The following CFAP77 variants were observed in gnomAD, a reference collection of about 807,000 sequenced individuals.
CFAP77 encodes cilia and flagella associated protein 77.
Under a neutral mutation model 31.1 loss-of-function variants are expected in CFAP77, and 25 were observed. The ratio of observed to expected loss-of-function variants is 0.80; its 90% confidence interval spans 0.59 to 1.12. The LOEUF is 1.12. Ranked by LOEUF, CFAP77 falls within the 50% of genes most tolerant of loss-of-function variation. The pLI is 0.00. For missense variants in CFAP77, 377 were observed against 397.3 expected, an observed-to-expected ratio of 0.95 and a Z score of 0.44; for synonymous variants, 151 against 159.9, an observed-to-expected ratio of 0.94 and a Z score of 0.42.
At chr9:132,560,176 C>A (rs529917411) in intron 5 of CFAP77, among the ~76,000 whole-genome samples, 38 of 152,274 alleles carry the variant, frequency 2.5e-4, no homozygotes, top group African/African-American at 9.1e-4. Context: ...CTCAATAAAG[C>A]TGTTTTTAAA....
In CFAP77 at chr9:132,529,520, C is replaced by CAAAAAAACA. The variant is rs1852398371; in HGVS notation, c.525-8074_525-8073insCAAAAAAAA. Reference sequence around the variant, plus strand: ...CTTAGAGTATAATAAAAAAAAAAAACAAAAAAAAAACTAAACACATACTTG... The same window carrying CAAAAAAACA: ...CTTAGAGTATAATAAAAAAAAAAAACAAAAAAACAAAAAAAAAAACTAAACACATACTTG... On this transcript the variant is annotated intron_variant, in intron 3 of 5. Coordinates refer to ENST00000393216, the MANE Select transcript of CFAP77 (RefSeq NM_001282957.2). 4.9e-5 allele frequency among the ~76,000 whole-genome samples: 6 copies of CAAAAAAACA among 123,416 alleles called. 1 individual carries two copies. The highest frequency in any genetic ancestry group is 1.1e-4 in the Non-Finnish European group (6 of 55,852). The allele number at this position is 123,416 out of a possible 152,430, so 81.0% of individuals were successfully genotyped here. A position where few individuals can be genotyped will look rare whatever the true frequency, so the allele number is the denominator to read the frequency against.
At chr9:132,502,501 C>T (rs1185387869) in intron 3 of CFAP77, among the ~76,000 whole-genome samples, 1 of 152,100 alleles carries the variant, frequency 6.6e-6, no homozygotes, top group East Asian at 1.9e-4. Flanking sequence ...CGCCCCAGCC[C>T]CTGGCACCCA....
chr9:132,560,612 G>C (rs1852979345), intron 5 of CFAP77, among the ~76,000 whole-genome samples: 1 of 152,194 alleles, frequency 6.6e-6, no homozygotes, highest in South Asian at 2.1e-4. Context: ...CTTTCCTTCT[G>C]CTCCGGTAAG....
In CFAP77 at chr9:132,447,859, T is replaced by G. The variant is rs1043307765; in HGVS notation, c.195+37393T>G. On this transcript the variant is annotated intron_variant, in intron 1 of 5. Transcript: ENST00000393216. ...ATTTCTTAATAAAACCACCCAACAT[T>G]CAAAGGATATCCACTGGAGGAAAGA... 2.6e-5 allele frequency among the ~76,000 whole-genome samples: 4 copies of G among 152,174 alleles called. No individual in the cohort carries two copies. The South Asian group carries it at 8.3e-4, about 32-fold the overall frequency.
chr9:132,492,125 A>C (rs975213557), intron 1 of CFAP77, among the ~76,000 whole-genome samples: 6 of 152,162 alleles, frequency 3.9e-5, no homozygotes, highest in African/African-American at 1.4e-4. Context: ...CCATCTCTAC[A>C]AATAATTTAA....
intron 5 of CFAP77, among the ~76,000 whole-genome samples, chr9:132,551,717 C>T (rs2119083258): frequency 6.6e-6 from 1 of 152,354 alleles, no homozygotes; most frequent in Admixed American, 6.5e-5. Flanking sequence ...AGCTTAAAGT[C>T]ACGTGCCCAA....
chr9:132,502,269 T>A (rs1008813028), intron 3 of CFAP77, among the ~76,000 whole-genome samples: 47 of 120,610 alleles, frequency 3.9e-4, no homozygotes, highest in South Asian at 7.9e-4. Flanking sequence ...ATATATATTT[T>A]TTTTTTTTGG....
intron 1 of CFAP77, among the ~76,000 whole-genome samples, chr9:132,457,120 G>C (rs1850931094): frequency 6.6e-6 from 1 of 152,112 alleles, no homozygotes; most frequent in Non-Finnish European, 1.5e-5. Context: ...GGAGCTGACT[G>C]AGCCCCCTAA....
intron 5 of CFAP77, among the ~76,000 whole-genome samples, chr9:132,561,870 A>G (rs1829816758): frequency 6.6e-6 from 1 of 152,052 alleles, no homozygotes; most frequent in South Asian, 2.1e-4. Context: ...AAGAAGGCAA[A>G]GGCAGCCCGC....
At chr9:132,471,298 G>A (rs1251387051) in intron 1 of CFAP77, among the ~76,000 whole-genome samples, 1 of 152,184 alleles carries the variant, frequency 6.6e-6, no homozygotes, top group Non-Finnish European at 1.5e-5. Flanking sequence ...AGAATAATCT[G>A]GAGAAGGTAG....
chr9:132,501,223 T>G lies in CFAP77; in HGVS notation c.524+1623T>G, dbSNP rs1409957880. Among the ~76,000 whole-genome samples, 1 of 152,158 alleles carries G rather than the reference T, an allele frequency of 6.6e-6. No individual in the cohort carries two copies. The highest frequency in any genetic ancestry group is 1.5e-5 in the Non-Finnish European group (1 of 68,020). On this transcript the variant is annotated intron_variant, in intron 3 of 5. Coordinates refer to ENST00000393216, the MANE Select transcript of CFAP77 (RefSeq NM_001282957.2). The surrounding 1 kb of genome is among the most constrained non-coding windows in gnomAD (Gnocchi z 4.6). The stretch of plus-strand genomic sequence containing the variant: ...CATCATCAGCATCAGGTCTCTCTGT[T>G]TCTTGGCTGTGCTTCCTGATTTTGG...
intron 1 of CFAP77, among the ~76,000 whole-genome samples, chr9:132,425,137 A>G (rs1313254625): frequency 6.6e-6 from 1 of 152,142 alleles, no homozygotes; most frequent in Non-Finnish European, 1.5e-5. Flanking sequence ...TGAAGATTAT[A>G]CCATTTAGGC....
intron 5 of CFAP77, among the ~76,000 whole-genome samples, chr9:132,555,125 T>C (rs1852881018): frequency 6.6e-6 from 1 of 152,218 alleles, no homozygotes; most frequent in Non-Finnish European, 1.5e-5. Context: ...CCTAGAACCA[T>C]GCCCACAATA....
intron 3 of CFAP77, among the ~76,000 whole-genome samples, chr9:132,525,870 A>T (rs1034321315): frequency 3.9e-5 from 6 of 152,190 alleles, no homozygotes; most frequent in African/African-American, 1.4e-4. Context: ...CCTAGAGTTC[A>T]TCTGAGATGT....
chr9:132,522,544 GA>G (rs1244762223), intron 3 of CFAP77, among the ~76,000 whole-genome samples: 3 of 152,252 alleles, frequency 2.0e-5, no homozygotes, highest in Admixed American at 6.5e-5. Context: ...TTGGGGGTGG[GA>G]AAAATGCCTA....
intron 5 of CFAP77, among the ~76,000 whole-genome samples, chr9:132,561,618 C>G: frequency 9.4e-6 from 1 of 106,368 alleles, no homozygotes; most frequent in East Asian, 2.4e-4. Flanking sequence ...CACACACACA[C>G]ACACACACAC....
In CFAP77 at chr9:132,497,957, C is replaced by T. The variant is rs1851772188; in HGVS notation, c.196-738C>T. ...GGACAGGCACGCCTCCATGCGATGC[C>T]CTGCCCAGCGCTTGGGGGCCGGGGA... On this transcript the variant is annotated intron_variant, in intron 1 of 5. Transcript: ENST00000393216. The surrounding 1 kb of genome is among the most constrained non-coding windows in gnomAD (Gnocchi z 4.9). Among the ~76,000 whole-genome samples the T allele has an allele frequency of 6.6e-6, 1 of 152,114 alleles. No individual in the cohort carries two copies.
chr9:132,462,760 G>A (rs1332717532), intron 1 of CFAP77, among the ~76,000 whole-genome samples: 1 of 152,078 alleles, frequency 6.6e-6, no homozygotes, highest in African/African-American at 2.4e-5. Context: ...AGGTTGCAGT[G>A]AGCCGAGGTC....
chr9:132,435,330 AAGAG>A (rs1259776026), intron 1 of CFAP77, among the ~76,000 whole-genome samples: 1 of 152,168 alleles, frequency 6.6e-6, no homozygotes. Context: ...TTGGGGTTCT[AAGAG>A]AGAGAAAAAG....
Sources: gnomAD v4.1 joint callset for allele counts (sites outside exome capture counted in the v4.1 genomes callset) on GRCh38, gnomAD v4.1.1 for gene constraint, Gnocchi (gnomAD v3.1) non-coding constraint, MANE v1.5 for transcripts, NCBI Gene and HGNC (gene_info 2026-07-23, HGNC 2026-07-21) for gene names.